Variants in LRP2 observed in about 807,000 individuals in gnomAD.
LRP2 encodes low-density lipoprotein receptor-related protein 2.
LRP2 carries 172 observed loss-of-function variants against 531.0 expected under a neutral mutation model. That is an observed-to-expected ratio of 0.32 (90% CI 0.29 to 0.37). The LOEUF is 0.37. Among genes scored for constraint, LRP2 ranks in the 10% least tolerant of loss-of-function variants. LRP2 has a pLI of 1.00. For missense variants in LRP2, 5,167 were observed against 5,868.3 expected, an observed-to-expected ratio of 0.88 and a Z score of 3.90; for synonymous variants, 1,992 against 2,027.6, an observed-to-expected ratio of 0.98 and a Z score of 0.47.
At chr2:169,222,428 C>G (rs550177983) in intron 33 of LRP2, among the ~76,000 whole-genome samples, 23 of 152,152 alleles carry the variant, frequency 1.5e-4, no homozygotes, top group Non-Finnish European at 2.5e-4. Flanking sequence ...TGTCCCCAGT[C>G]ATAAAATGCA....
At chr2:169,187,861 TG>T in intron 49 of LRP2, 108 bp downstream of exon 49, 1 of 1,194,574 alleles carries the variant, frequency 8.4e-7, no homozygotes, top group Non-Finnish European at 1.2e-6. Context: ...AGTGATTTTA[TG>T]GTAACTTTGT....
In LRP2 at chr2:169,153,365, G is replaced by A. The variant is rs76502348; in HGVS notation, c.12296-401C>T. 7.2e-3 allele frequency among the ~76,000 whole-genome samples: 1,089 copies of A among 152,284 alleles called. 23 individuals carry two copies. The highest frequency in any genetic ancestry group is 0.025 in the African/African-American group (1,042 of 41,556). ...GAGGCAATAAAGAAGCCATGTCAAC[G>A]AGAAGTCCTATTTTATATACAGACA... On this transcript the variant is annotated intron_variant, in intron 66 of 78. Transcript: ENST00000649046.
At chr2:169,211,483 TA>T (rs1688590621) in intron 37 of LRP2, among the ~76,000 whole-genome samples, 1 of 152,220 alleles carries the variant, frequency 6.6e-6, no homozygotes, top group South Asian at 2.1e-4. Flanking sequence ...TATATATTAA[TA>T]AATCATATTT....
In LRP2 at chr2:169,188,005, T is replaced by A. The variant is rs1359300593; in HGVS notation, c.9293A>T (p.Asp3098Val). 13 of 1,614,016 alleles carry A rather than the reference T, an allele frequency of 8.1e-6. No homozygotes were observed. Among genetic ancestry groups the A allele is most frequent in the Admixed American group, 3.3e-5 (2 of 60,002 alleles). ...CTCATCGCTGTTGTCCAAACAGTCA[T>A]CTAGGTGGTTGCAGAGTTTCATCAT... is the stretch of plus-strand genomic sequence containing the variant. ...IEMMKLCNHL[D>V]DCLDNSDEKG... Residue 3098 changes from aspartate to valine, a missense_variant, in exon 49 of 79, where the codon GAT (aspartate) becomes GTT (valine). By Grantham distance (152) the Asp-to-Val change is radical (BLOSUM62 -3). Coordinates refer to ENST00000649046, the MANE Select transcript of LRP2 (RefSeq NM_004525.3).
chr2:169,176,761 A>G (rs190588048), intron 53 of LRP2, among the ~76,000 whole-genome samples, 173 bp from the exon 54 acceptor site: 77 of 152,322 alleles, frequency 5.1e-4, no homozygotes, highest in African/African-American at 1.8e-3. Context: ...AGAGTTATAC[A>G]AGCAACAACC....
intron 1 of LRP2, among the ~76,000 whole-genome samples, chr2:169,361,349 TGTCTCTCTCTCTCTCTCTCTCTCTCTCC>T (rs1276459460): frequency 1.0e-3 from 27 of 26,862 alleles, no homozygotes; most frequent in African/African-American, 4.2e-3. Context: ...TGTCTCTCTC[TGTCTCTCTCTCTCTCTCTCTCTCTCTCC>T]CTCTCTCTCT....
At chr2:169,308,555 T>A (rs1035259562) in intron 3 of LRP2, among the ~76,000 whole-genome samples, 1 of 152,212 alleles carries the variant, frequency 6.6e-6, no homozygotes, top group Admixed American at 6.5e-5. Flanking sequence ...CAGGAACTCA[T>A]CCTTTTTTAC....
intron 31 of LRP2, 49 bp from the exon 32 acceptor site, chr2:169,226,637 G>T (rs1689210590): frequency 2.8e-6 from 4 of 1,409,678 alleles, no homozygotes; most frequent in Non-Finnish European, 3.0e-6. Context: ...ACTATTCCCA[G>T]ACATTTAGAG....
chr2:169,181,406 T>A, intron 52 of LRP2, 42 bp downstream of exon 52: 1 of 1,584,614 alleles, frequency 6.3e-7, no homozygotes, highest in Non-Finnish European at 8.7e-7. Context: ...ATGTTTGAAA[T>A]AAACAGTTAC....
At chr2:169,274,634 A>C (rs1394062018) in intron 14 of LRP2, among the ~76,000 whole-genome samples, 1 of 152,090 alleles carries the variant, frequency 6.6e-6, no homozygotes, top group Non-Finnish European at 1.5e-5. Flanking sequence ...GAAAATGGAC[A>C]CTTAGACATG....
intron 1 of LRP2, among the ~76,000 whole-genome samples, chr2:169,326,828 C>T (rs1685077286): frequency 1.3e-5 from 2 of 149,926 alleles, no homozygotes; most frequent in East Asian, 2.0e-4. Context: ...TCTGCCCGGC[C>T]GCCCATCGTC....
intron 76 of LRP2, among the ~76,000 whole-genome samples, chr2:169,133,823 C>G (rs919569541): frequency 6.6e-6 from 1 of 152,152 alleles, no homozygotes; most frequent in Non-Finnish European, 1.5e-5. Flanking sequence ...CCTTTGCACC[C>G]GTCATCCCAG....
rs1367242074 is a variant in LRP2 at position 169,353,819 on chromosome 2, C to T, written c.79+8502G>A. Among the ~76,000 whole-genome samples, 3 of 152,272 alleles carry T rather than the reference C, an allele frequency of 2.0e-5. No individual in the cohort carries two copies. In the East Asian group the frequency reaches 5.8e-4, roughly 29 times the overall value. On this transcript the variant is annotated intron_variant, in intron 1 of 78. Coordinates refer to ENST00000649046, the MANE Select transcript of LRP2 (RefSeq NM_004525.3). The stretch of plus-strand genomic sequence containing the variant: ...CAGCCTGAACAACATGGAGAAACCT[C>T]ATCTCTACAAAAAATATAAAAATTA...
intron 35 of LRP2, among the ~76,000 whole-genome samples, chr2:169,215,421 C>T (rs76747424): frequency 4.6e-4 from 70 of 152,168 alleles, no homozygotes; most frequent in African/African-American, 1.6e-3. Flanking sequence ...AATGAGTGAA[C>T]GAGACTTTAT....
chr2:169,210,192 A>G (rs10170902), intron 37 of LRP2, among the ~76,000 whole-genome samples: 24,448 of 152,192 alleles, frequency 0.16, 2,158 homozygotes, highest in East Asian at 0.37. Context: ...CGATTAAATA[A>G]TCATTTCAAA....
In LRP2 at chr2:169,279,604, A is replaced by G. The variant is rs987933428; in HGVS notation, c.1342-9T>C. On this transcript the variant is annotated splice_polypyrimidine_tract_variant and intron_variant, in intron 11 of 78. Coordinates refer to ENST00000649046, the MANE Select transcript of LRP2 (RefSeq NM_004525.3). ...ATGTCAACTGAAAAAACCTGAAAGAAAAACCAAAATTATTATATTTCTTCA... is the reference window on the plus strand; with the variant it reads ...ATGTCAACTGAAAAAACCTGAAAGAGAAACCAAAATTATTATATTTCTTCA... 1.9e-6 allele frequency: 3 copies of G among 1,548,352 alleles called. No homozygotes were observed. The African/African-American group carries it at 4.1e-5, about 21-fold the overall frequency.
intron 1 of LRP2, among the ~76,000 whole-genome samples, chr2:169,338,371 A>AG (rs1491547766): frequency 8.5e-6 from 1 of 118,342 alleles, no homozygotes; most frequent in Non-Finnish European, 1.7e-5. Context: ...AAAGAAAGAA[A>AG]GAAAGAAAGA....
intron 67 of LRP2, among the ~76,000 whole-genome samples, chr2:169,152,542 C>A (rs1025521453): frequency 3.3e-5 from 5 of 152,026 alleles, no homozygotes; most frequent in African/African-American, 4.8e-5. Context: ...ATATCTATAT[C>A]CAGATATTGA....
chr2:169,138,775 C>A (rs1358355762), intron 74 of LRP2, 69 bp from the exon 75 acceptor site: 36 of 1,566,358 alleles, frequency 2.3e-5, no homozygotes, highest in Non-Finnish European at 3.1e-5. Flanking sequence ...CAAATACAAC[C>A]TTTCACAATA....
Sources: gnomAD v4.1 joint callset for allele counts (sites outside exome capture counted in the v4.1 genomes callset) on GRCh38, gnomAD v4.1.1 for gene constraint, MANE v1.5 for transcripts, NCBI Gene and HGNC (gene_info 2026-07-23, HGNC 2026-07-21) for gene names.